FARSB: variants seen among roughly 807,000 people sequenced by gnomAD.
FARSB encodes phenylalanyl-tRNA synthetase subunit beta, also known as phenylalanine--tRNA ligase beta subunit.
FARSB carries 40 observed loss-of-function variants against 69.6 expected under a neutral mutation model. The ratio of observed to expected loss-of-function variants is 0.57; its 90% CI spans 0.45 to 0.75. FARSB has a LOEUF of 0.75. FARSB is among the 30% of genes least tolerant of loss of function. The pLI is 0.00. For missense variants in FARSB, 632 were observed against 722.9 expected (o/e 0.87, Z 1.44); for synonymous variants, 235 against 247.2 (o/e 0.95, Z 0.46).
chr2:222,606,138 A>T (rs909433434), intron 15 of FARSB, among the ~76,000 whole-genome samples: 12 of 152,046 alleles, frequency 7.9e-5, no homozygotes, highest in African/African-American at 2.9e-4. Flanking sequence ...GCCCCCTCCC[A>T]ACTCCACACT....
intron 13 of FARSB, among the ~76,000 whole-genome samples, chr2:222,622,459 C>T (rs980781460): frequency 4.6e-5 from 7 of 152,162 alleles, no homozygotes; most frequent in African/African-American, 1.7e-4. Flanking sequence ...ATGGTTTAAT[C>T]TACATGGTTA....
chr2:222,582,784 G>T (rs1258272065), intron 16 of FARSB, among the ~76,000 whole-genome samples: 4 of 151,992 alleles, frequency 2.6e-5, no homozygotes, highest in African/African-American at 9.7e-5. Flanking sequence ...AATTAGTCGG[G>T]TGTGGTGGCA....
At chr2:222,603,859 G>T (rs1315242363) in intron 15 of FARSB, among the ~76,000 whole-genome samples, 1 of 151,632 alleles carries the variant, frequency 6.6e-6, no homozygotes, top group African/African-American at 2.4e-5. Context: ...ACATTTAAAT[G>T]AAAACAAACA....
chr2:222,575,711 C>CA (rs1689823522), intron 16 of FARSB, among the ~76,000 whole-genome samples: 2 of 152,086 alleles, frequency 1.3e-5, no homozygotes, highest in Non-Finnish European at 2.9e-5. Context: ...CAGGTAAGCA[C>CA]AAAAAAGAAT....
intron 15 of FARSB, among the ~76,000 whole-genome samples, chr2:222,607,909 T>C (rs1690748624): frequency 6.6e-6 from 1 of 152,006 alleles, no homozygotes; most frequent in Admixed American, 6.6e-5. Context: ...AGTACGTCCT[T>C]GTGGGTTGGC....
At position 222,576,238 on chromosome 2, in the gene FARSB, T is replaced by C. The variant is rs543933417; in HGVS notation, c.1619-4216A>G. 1.4e-4 allele frequency among the ~76,000 whole-genome samples: 21 copies of C among 152,216 alleles called. No individual in the cohort carries two copies. In the South Asian group the frequency reaches 2.7e-3, roughly 20 times the overall value. ...TTTTATTTAGCCCATCTGTAAAAAG[T>C]CATCTACTCATACAATTTTATTTTT... On this transcript the variant is annotated intron_variant, in intron 16 of 16. Transcript: ENST00000281828.
At chr2:222,633,958 G>A (rs747496522) in intron 6 of FARSB, among the ~76,000 whole-genome samples, 10 of 152,058 alleles carry the variant, frequency 6.6e-5, no homozygotes, top group African/African-American at 1.2e-4. Flanking sequence ...TTTTCTAAAC[G>A]ACACCTATTT....
chr2:222,575,505 T>C (rs1689817761), intron 16 of FARSB, among the ~76,000 whole-genome samples: 1 of 152,196 alleles, frequency 6.6e-6, no homozygotes, highest in South Asian at 2.1e-4. Context: ...AGATGTGTAG[T>C]ATTACAATTT....
At chr2:222,578,778 G>T (rs1376912007) in intron 16 of FARSB, among the ~76,000 whole-genome samples, 1 of 151,836 alleles carries the variant, frequency 6.6e-6, no homozygotes, top group Non-Finnish European at 1.5e-5. Context: ...AGGAGATCGA[G>T]ACCATCCTGG....
At chr2:222,649,612 C>T (rs1387885466) in intron 1 of FARSB, among the ~76,000 whole-genome samples, 1 of 152,222 alleles carries the variant, frequency 6.6e-6, no homozygotes, top group African/African-American at 2.4e-5. Context: ...AACATTACAG[C>T]TGCCTCATCT....
intron 1 of FARSB, among the ~76,000 whole-genome samples, chr2:222,653,363 G>A (rs1362651272): frequency 2.0e-5 from 3 of 151,408 alleles, no homozygotes; most frequent in Non-Finnish European, 2.9e-5. Flanking sequence ...ACTAAAGAGA[G>A]AGAATGTGGA....
At chr2:222,594,035 T>C (rs1470139321) in intron 16 of FARSB, among the ~76,000 whole-genome samples, 2 of 148,576 alleles carry the variant, frequency 1.3e-5, no homozygotes, top group East Asian at 2.0e-4. Context: ...GGCAGGTGGA[T>C]TGTTTGATAC....
intron 14 of FARSB, among the ~76,000 whole-genome samples, chr2:222,616,796 G>C (rs1349820249): frequency 1.3e-5 from 2 of 152,132 alleles, no homozygotes; most frequent in African/African-American, 2.4e-5. Context: ...AAAGGATTTA[G>C]ACAAGAAACT....
At chr2:222,575,883 T>C (rs1376780094) in intron 16 of FARSB, among the ~76,000 whole-genome samples, 1 of 152,178 alleles carries the variant, frequency 6.6e-6, no homozygotes, top group Non-Finnish European at 1.5e-5. Flanking sequence ...ACCCAGGCTT[T>C]AGCACATTTT....
chr2:222,580,669 A>C (rs1689943050), intron 16 of FARSB, among the ~76,000 whole-genome samples: 2 of 152,142 alleles, frequency 1.3e-5, no homozygotes, highest in African/African-American at 2.4e-5. Context: ...CCTGCATAAC[A>C]CAACTACTGC....
At chr2:222,631,873 G>A (rs1691435036) in intron 7 of FARSB, among the ~76,000 whole-genome samples, 199 bp from the exon 8 acceptor site, 1 of 152,218 alleles carries the variant, frequency 6.6e-6, no homozygotes, top group South Asian at 2.1e-4. Context: ...AGGAGTTCAA[G>A]ACCAGCCTAA....
At chr2:222,579,351 G>A (rs1303792240) in intron 16 of FARSB, among the ~76,000 whole-genome samples, 1 of 152,206 alleles carries the variant, frequency 6.6e-6, no homozygotes, top group African/African-American at 2.4e-5. Context: ...AAGAAAGACT[G>A]ACAGTTCATC....
At chr2:222,588,625 C>T (rs898735312) in intron 16 of FARSB, among the ~76,000 whole-genome samples, 2 of 152,184 alleles carry the variant, frequency 1.3e-5, no homozygotes, top group Non-Finnish European at 1.5e-5. Flanking sequence ...CGTCTCAGCC[C>T]AAAACCTCCT....
At chr2:222,641,274 T>C (rs960175585) in intron 3 of FARSB, among the ~76,000 whole-genome samples, 8 of 152,200 alleles carry the variant, frequency 5.3e-5, no homozygotes, top group African/African-American at 1.7e-4. Flanking sequence ...TAAGTTATGA[T>C]AGTTATTCTA....
Sources: allele counts gnomAD v4.1 joint callset (sites outside exome capture counted in the v4.1 genomes callset), GRCh38; gene constraint gnomAD v4.1.1; transcripts MANE v1.5; gene names NCBI Gene and HGNC (gene_info 2026-07-23, HGNC 2026-07-21).